Variants in PPM1H observed in about 807,000 individuals in gnomAD.
PPM1H encodes protein phosphatase, Mg2+/Mn2+ dependent 1H, also known as protein phosphatase 1H.
A neutral mutation model predicts 54.9 loss-of-function variants in PPM1H; 27 were observed. The ratio of observed to expected loss-of-function variants is 0.49; its 90% CI spans 0.36 to 0.68. The LOEUF is 0.68. Ranked by LOEUF, PPM1H falls within the 30% of genes least tolerant of loss-of-function variation. PPM1H has a pLI of 0.00. For missense variants in PPM1H, 596 were observed against 667.8 expected (o/e 0.89, Z 1.19); for synonymous variants, 305 against 270.8 (o/e 1.13, Z -1.24).
At chr12:62,709,506 T>C (rs1350065509) in intron 6 of PPM1H, among the ~76,000 whole-genome samples, 1 of 152,174 alleles carries the variant, frequency 6.6e-6, no homozygotes, top group Non-Finnish European at 1.5e-5. Flanking sequence ...TTGCTCCGAA[T>C]GTCCTTCTCT....
intron 6 of PPM1H, among the ~76,000 whole-genome samples, chr12:62,713,978 A>G (rs2076221992): frequency 6.7e-6 from 1 of 149,116 alleles, no homozygotes. Context: ...TAAAAAAAAC[A>G]AAAAAAACAA....
chr12:62,867,678 C>T (rs1278152079), intron 1 of PPM1H, among the ~76,000 whole-genome samples: 1 of 146,420 alleles, frequency 6.8e-6, no homozygotes, highest in African/African-American at 2.5e-5. Flanking sequence ...CCCGGATTCA[C>T]GCCATTCTCC....
chr12:62,800,362 G>T (rs377532825), intron 3 of PPM1H, among the ~76,000 whole-genome samples: 1 of 151,252 alleles, frequency 6.6e-6, no homozygotes. Flanking sequence ...TTGAGATGGA[G>T]TCACGCTGTT....
chr12:62,839,473 C>T (rs12312882), intron 1 of PPM1H, among the ~76,000 whole-genome samples: 3,008 of 152,144 alleles, frequency 0.02, 96 homozygotes, highest in African/African-American at 0.069. Context: ...CTACACACAT[C>T]ACACTCTTGA....
chr12:62,801,706 G>A (rs1370862949), intron 3 of PPM1H, 110 bp downstream of exon 3: 5 of 1,202,362 alleles, frequency 4.2e-6, no homozygotes, highest in African/African-American at 1.5e-5. Flanking sequence ...CGTCCAGGTG[G>A]AGCCAGGCAG....
At chr12:62,706,007 G>A (rs2076172282) in intron 6 of PPM1H, among the ~76,000 whole-genome samples, 1 of 152,198 alleles carries the variant, frequency 6.6e-6, no homozygotes, top group Non-Finnish European at 1.5e-5. Flanking sequence ...ACTCTGCTCA[G>A]ATGGATATTC....
In PPM1H at chr12:62,726,002, T is replaced by G. The variant is rs532074253; in HGVS notation, c.955-5713A>C. On this transcript the variant is annotated intron_variant, in intron 5 of 9. Transcript: ENST00000228705. ...GATTCATTTTCTGTCATAATCATGC[T>G]TACCATAGAAATTATAAGTACTCCT... 4.6e-5 allele frequency among the ~76,000 whole-genome samples: 7 copies of G among 152,354 alleles called. No homozygotes were observed. The East Asian group carries it at 1.3e-3, about 29-fold the overall frequency.
At chr12:62,933,688 T>TG (rs1160261485) in intron 1 of PPM1H, among the ~76,000 whole-genome samples, 1 of 152,148 alleles carries the variant, frequency 6.6e-6, no homozygotes, top group East Asian at 1.9e-4. Flanking sequence ...AGTGGAAAAG[T>TG]GGCCATGGAG....
chr12:62,723,992 A>T (rs1352771827), intron 5 of PPM1H, among the ~76,000 whole-genome samples: 1 of 152,130 alleles, frequency 6.6e-6, no homozygotes, highest in Non-Finnish European at 1.5e-5. Context: ...CCTTCCCCAG[A>T]AAATAGATCA....
At chr12:62,928,510 T>C (rs1157401376) in intron 1 of PPM1H, among the ~76,000 whole-genome samples, 1 of 152,172 alleles carries the variant, frequency 6.6e-6, no homozygotes, top group African/African-American at 2.4e-5. Flanking sequence ...AAATCACAGT[T>C]AAATAACTGC....
chr12:62,870,922 C>G (rs688624), intron 1 of PPM1H, among the ~76,000 whole-genome samples: 98,210 of 152,052 alleles, frequency 0.65, 32,850 homozygotes, highest in African/African-American at 0.82. Context: ...ACAAGTGTTG[C>G]TGTGGATGTG....
rs745947318 is a variant in PPM1H at position 62,832,114 on chromosome 12, C to T, written c.411G>A (p.Ser137=). ...AACCAAGGATCGAGAAGGGTCTTAC[C>T]GAGTTCTCCTTCAGCTGCAGCCCTT... The part of the protein sequence containing the change: ...NGEGLQLKEN[S]ESEGVSCHYW... The change falls in exon 2 of 10, where the codon TCG becomes TCA. Residue 137 remains serine (S), a splice_region_variant and synonymous_variant. Transcript: ENST00000228705. 27 of 1,613,410 alleles carry T rather than the reference C, an allele frequency of 1.7e-5. No individual in the cohort carries two copies. Among genetic ancestry groups the T allele is most frequent in the Non-Finnish European group, 1.9e-5 (23 of 1,179,666 alleles).
chr12:62,855,079 A>T (rs536248363), intron 1 of PPM1H, among the ~76,000 whole-genome samples: 1 of 152,090 alleles, frequency 6.6e-6, no homozygotes, highest in East Asian at 1.9e-4. Context: ...CTCTTGAAAA[A>T]TTTCCCCATG....
chr12:62,677,673 G>A (rs2075995529), intron 8 of PPM1H, among the ~76,000 whole-genome samples: 1 of 152,150 alleles, frequency 6.6e-6, no homozygotes, highest in Admixed American at 6.5e-5. Flanking sequence ...TGGGGTCTGG[G>A]CCAGTAGCAA....
intron 1 of PPM1H, among the ~76,000 whole-genome samples, chr12:62,833,595 A>G (rs566359866): frequency 2.0e-4 from 31 of 152,298 alleles, no homozygotes; most frequent in African/African-American, 7.5e-4. Context: ...ATCAATTTCC[A>G]TAAGCCAACA....
rs76702458 is a variant in PPM1H at position 62,908,596 on chromosome 12, G to A, written c.245+25896C>T. Among the ~76,000 whole-genome samples the A allele has an allele frequency of 8.0e-3, 1,217 of 152,242 alleles. 7 individuals are homozygous for A. The highest frequency in any genetic ancestry group is 0.012 in the Non-Finnish European group (799 of 68,022). ...ACATAAGGTTGAGTAGAAGTCCACGGCACAAATATGCTGGCTGAGGGGCCA... is the reference window on the plus strand; with the variant it reads ...ACATAAGGTTGAGTAGAAGTCCACGACACAAATATGCTGGCTGAGGGGCCA... On this transcript the variant is annotated intron_variant, in intron 1 of 9. Coordinates refer to ENST00000228705, the MANE Select transcript of PPM1H (RefSeq NM_020700.2).
intron 9 of PPM1H, among the ~76,000 whole-genome samples, chr12:62,653,618 A>G (rs896989553): frequency 6.6e-6 from 1 of 152,168 alleles, no homozygotes; most frequent in African/African-American, 2.4e-5. Context: ...ATTCTTTTTC[A>G]TGGTGAGTGT....
intron 1 of PPM1H, among the ~76,000 whole-genome samples, chr12:62,837,497 T>C (rs1405679005): frequency 6.6e-6 from 1 of 152,112 alleles, no homozygotes; most frequent in Non-Finnish European, 1.5e-5. Context: ...ACCAACTCTC[T>C]CTCCCTCCCC....
chr12:62,694,933 C>T (rs2136642630), intron 6 of PPM1H, among the ~76,000 whole-genome samples: 1 of 152,304 alleles, frequency 6.6e-6, no homozygotes, highest in Middle Eastern at 3.4e-3. Context: ...GGGGATAACA[C>T]TGCTCATAAC....
Sources: gnomAD v4.1 joint callset for allele counts (sites outside exome capture counted in the v4.1 genomes callset) on GRCh38, gnomAD v4.1.1 for gene constraint, MANE v1.5 for transcripts, NCBI Gene and HGNC (gene_info 2026-07-23, HGNC 2026-07-21) for gene names.